Variants in CDC42SE2 observed in about 807,000 individuals in gnomAD.
The protein encoded by CDC42SE2 is CDC42 small effector protein 2.
A neutral mutation model predicts 11.5 loss-of-function variants in CDC42SE2; 3 were observed. The ratio of observed to expected loss-of-function variants is 0.26; its 90% CI spans 0.12 to 0.67. CDC42SE2 has a LOEUF of 0.67. CDC42SE2 is among the 30% of genes least tolerant of loss of function. The probability of loss-of-function intolerance (pLI) is 0.80; values close to 1 mark genes in which losing one functional copy is unlikely to be tolerated. For synonymous variants in CDC42SE2, 33 were observed against 34.8 expected (o/e 0.95, Z 0.18); for missense variants, 82 against 106.8 (o/e 0.77, Z 1.02).
intron 2 of CDC42SE2, among the ~76,000 whole-genome samples, chr5:131,348,764 A>C (rs933801564): frequency 2.0e-5 from 3 of 152,202 alleles, no homozygotes; most frequent in African/African-American, 7.2e-5. Context: ...ACAGTAACCA[A>C]AACAGCATGG....
chr5:131,267,892 T>G (rs1299673296), intron 1 of CDC42SE2, among the ~76,000 whole-genome samples: 1 of 152,106 alleles, frequency 6.6e-6, no homozygotes, highest in Non-Finnish European at 1.5e-5. Flanking sequence ...GTGTTGGTTT[T>G]GATCTGCTGT....
intron 2 of CDC42SE2, among the ~76,000 whole-genome samples, chr5:131,324,528 G>C (rs2149736590): frequency 6.6e-6 from 1 of 152,286 alleles, no homozygotes; most frequent in East Asian, 1.9e-4. Context: ...CTGGCAACAA[G>C]GCCTAGGAGA....
At chr5:131,282,235 G>A (rs980721138) in intron 1 of CDC42SE2, among the ~76,000 whole-genome samples, 1 of 152,206 alleles carries the variant, frequency 6.6e-6, no homozygotes, top group African/African-American at 2.4e-5. Context: ...TACATTTCCT[G>A]AGAAATCGAA....
the CDC42SE2 span, among the ~76,000 whole-genome samples, chr5:131,237,235 G>A: frequency 6.6e-6 from 1 of 152,096 alleles, no homozygotes; most frequent in African/African-American, 2.4e-5. Context: ...AGTCTAAGAG[G>A]CAGACTGCCT....
chr5:131,286,774 C>G (rs1442857653), intron 1 of CDC42SE2, among the ~76,000 whole-genome samples: 1 of 151,598 alleles, frequency 6.6e-6, no homozygotes, highest in Non-Finnish European at 1.5e-5. Flanking sequence ...ATTTTCTTTT[C>G]TCTAGCTTAA....
chr5:131,270,085 A>C (rs1020076944), intron 1 of CDC42SE2, among the ~76,000 whole-genome samples: 2 of 149,230 alleles, frequency 1.3e-5, no homozygotes, highest in African/African-American at 5.0e-5. Flanking sequence ...AAACAAAAAA[A>C]AACAACTGGC....
At chr5:131,290,592 A>G (rs966899004) in intron 1 of CDC42SE2, among the ~76,000 whole-genome samples, 1 of 146,294 alleles carries the variant, frequency 6.8e-6, no homozygotes, top group Non-Finnish European at 1.5e-5. Flanking sequence ...TGATCCTCCC[A>G]TCTCAGACTC....
At chr5:131,231,117 G>A in the CDC42SE2 span, among the ~76,000 whole-genome samples, 1 of 152,066 alleles carries the variant, frequency 6.6e-6, no homozygotes, top group Admixed American at 6.5e-5. Flanking sequence ...TTGTATCAAA[G>A]TTATACCAGT....
intron 1 of CDC42SE2, among the ~76,000 whole-genome samples, chr5:131,269,798 C>T (rs1052216630): frequency 2.0e-5 from 3 of 151,280 alleles, no homozygotes; most frequent in South Asian, 2.1e-4. Context: ...CCCTGGCTCA[C>T]GCCTGTAATC....
At chr5:131,304,818 A>G (rs770709188) in intron 1 of CDC42SE2, among the ~76,000 whole-genome samples, 1 of 152,176 alleles carries the variant, frequency 6.6e-6, no homozygotes, top group Non-Finnish European at 1.5e-5. Context: ...TTCAAATTTA[A>G]TGCATTAAAA....
At chr5:131,235,220 T>C in the CDC42SE2 span, among the ~76,000 whole-genome samples, 1 of 151,898 alleles carries the variant, frequency 6.6e-6, no homozygotes, top group Non-Finnish European at 1.5e-5. Flanking sequence ...CTCAGTTTAC[T>C]GATTCAAATG....
At chr5:131,277,033 C>T (rs1161388172) in intron 1 of CDC42SE2, among the ~76,000 whole-genome samples, 1 of 152,202 alleles carries the variant, frequency 6.6e-6, no homozygotes, top group Non-Finnish European at 1.5e-5. Context: ...AGCCACCGCA[C>T]TTGGCGACCA....
upstream of CDC42SE2, among the ~76,000 whole-genome samples, chr5:131,262,208 C>T (rs2149686666): frequency 1.3e-5 from 2 of 150,350 alleles, 1 homozygote; most frequent in Middle Eastern, 6.8e-3. Flanking sequence ...AATTAATAGT[C>T]TTTATGTAAC....
intron 1 of CDC42SE2, among the ~76,000 whole-genome samples, chr5:131,267,662 CTG>C (rs1226167285): frequency 1.3e-5 from 2 of 152,042 alleles, no homozygotes; most frequent in Non-Finnish European, 2.9e-5. Context: ...TCATATTTGC[CTG>C]TGTAGATCAT....
At chr5:131,308,921 A>AT (rs1383076590) in intron 1 of CDC42SE2, among the ~76,000 whole-genome samples, 4 of 151,526 alleles carry the variant, frequency 2.6e-5, no homozygotes, top group Non-Finnish European at 4.4e-5. Flanking sequence ...TCTTTTCCTA[A>AT]TTGAATACCC....
At chr5:131,321,528 A>G (rs1758186786) in intron 2 of CDC42SE2, among the ~76,000 whole-genome samples, 1 of 152,166 alleles carries the variant, frequency 6.6e-6, no homozygotes. Context: ...TTCTAAGATA[A>G]AGTGTTAAGT....
chr5:131,373,171 T>C (rs1253034981), intron 3 of CDC42SE2, among the ~76,000 whole-genome samples: 2 of 152,220 alleles, frequency 1.3e-5, no homozygotes. Context: ...TGGGTTTATA[T>C]GTATATTTTC....
intron 1 of CDC42SE2, among the ~76,000 whole-genome samples, chr5:131,294,799 C>T (rs1757532994): frequency 6.6e-6 from 1 of 152,078 alleles, no homozygotes; most frequent in Admixed American, 6.6e-5. Flanking sequence ...CGAGACCAGC[C>T]TGGCCAACAT....
chr5:131,226,506 G>T, the CDC42SE2 span, among the ~76,000 whole-genome samples: 8 of 152,196 alleles, frequency 5.3e-5, no homozygotes, highest in Non-Finnish European at 1.2e-4. Context: ...CTTCCCTAAA[G>T]GGGCCTGCAG....
Sources: allele counts gnomAD v4.1 joint callset (sites outside exome capture counted in the v4.1 genomes callset), GRCh38; gene constraint gnomAD v4.1.1; transcripts MANE v1.5; gene names NCBI Gene and HGNC (gene_info 2026-07-23, HGNC 2026-07-21).